The following IMMP2L variants were observed in gnomAD, a reference collection of about 807,000 sequenced individuals.
IMMP2L encodes mitochondrial inner membrane protease subunit 2.
Under a neutral mutation model 19.3 loss-of-function variants are expected in IMMP2L, and 18 were observed. The observed-to-expected ratio is 0.93, with a 90% confidence interval of 0.64 to 1.38. IMMP2L has a LOEUF of 1.38. IMMP2L is among the 40% of genes most tolerant of loss of function. The pLI, the probability that IMMP2L is intolerant of heterozygous loss-of-function variation, is 0.00. For missense variants in IMMP2L, 233 were observed against 218.2 expected (o/e 1.07, Z -0.43); for synonymous variants, 76 against 73.0 (o/e 1.04, Z -0.21).
chr7:111,322,820 C>T (rs1190822260), intron 3 of IMMP2L, among the ~76,000 whole-genome samples: 1 of 151,588 alleles, frequency 6.6e-6, no homozygotes, highest in Non-Finnish European at 1.5e-5. Flanking sequence ...AAATCCATAG[C>T]ATTAAATACT....
chr7:111,210,150 T>C (rs185262558), intron 3 of IMMP2L, among the ~76,000 whole-genome samples: 1 of 152,328 alleles, frequency 6.6e-6, no homozygotes, highest in Admixed American at 6.5e-5. Context: ...TTTTGCTTTC[T>C]TGACTCTCTG....
At chr7:111,398,477 A>G (rs1016746780) in intron 3 of IMMP2L, among the ~76,000 whole-genome samples, 4 of 152,144 alleles carry the variant, frequency 2.6e-5, no homozygotes, top group Admixed American at 2.6e-4. Flanking sequence ...ACATACCTCA[A>G]TGTAATAAAA....
chr7:111,329,279 AAG>A (rs1261073776), intron 3 of IMMP2L, among the ~76,000 whole-genome samples: 1 of 151,862 alleles, frequency 6.6e-6, no homozygotes, highest in Non-Finnish European at 1.5e-5. Flanking sequence ...GAGGAAAAAA[AAG>A]AGAAGGAGAA....
At chr7:111,131,777 A>C (rs1801870432) in intron 3 of IMMP2L, among the ~76,000 whole-genome samples, 1 of 151,982 alleles carries the variant, frequency 6.6e-6, no homozygotes, top group South Asian at 2.1e-4. Context: ...GTCTCAGAGA[A>C]GTATTTAAGT....
chr7:111,539,249 AGAAAG>A (rs1848293793), intron 1 of IMMP2L, among the ~76,000 whole-genome samples: 1 of 145,886 alleles, frequency 6.9e-6, no homozygotes, highest in African/African-American at 2.6e-5. Context: ...AAAGAAAGAA[AGAAAG>A]AAAGAAAGAA....
Position 110,673,696 on chromosome 7 carries a change from T to C in IMMP2L, c.409-9975A>G, listed in dbSNP as rs142852257. Among the ~76,000 whole-genome samples the C allele has an allele frequency of 2.6e-3, 401 of 152,298 alleles. 7 individuals are homozygous for C. The highest frequency in any genetic ancestry group is 9.1e-3 in the African/African-American group (377 of 41,572). On this transcript the variant is annotated intron_variant, in intron 5 of 5. Transcript: ENST00000405709. ...TGCCACCAGTCTCTTTGCTAAAGCA[T>C]AACAAAAGTCATCTTTGCTCCAGTT...
chr7:111,001,388 T>C (rs1250430587), intron 3 of IMMP2L, among the ~76,000 whole-genome samples: 1 of 152,146 alleles, frequency 6.6e-6, no homozygotes, highest in African/African-American at 2.4e-5. Context: ...TATTCAATCA[T>C]GTATGAAAGT....
intron 3 of IMMP2L, among the ~76,000 whole-genome samples, chr7:111,329,550 T>TAC (rs1825668781): frequency 6.6e-6 from 1 of 151,678 alleles, no homozygotes; most frequent in Non-Finnish European, 1.5e-5. Context: ...GCCCTATATA[T>TAC]ACTGAAAAGT....
rs139578729 is a variant in IMMP2L at position 111,327,239 on chromosome 7, GA to G, written c.239+159998del. Among the ~76,000 whole-genome samples, 72 of 151,768 alleles carry G rather than the reference GA, an allele frequency of 4.7e-4. No individual in the cohort carries two copies. In the East Asian group the frequency reaches 0.013, roughly 28 times the overall value. Reference sequence around the variant, plus strand: ...GTGGTGGTCAGGGGCTTGGGAGAGGGAAAAATGAGAAGTTGCTGTCCAACTG... The same window carrying G: ...GTGGTGGTCAGGGGCTTGGGAGAGGGAAAATGAGAAGTTGCTGTCCAACTG... On this transcript the variant is annotated intron_variant, in intron 3 of 5. Coordinates refer to ENST00000405709, the MANE Select transcript of IMMP2L (RefSeq NM_032549.4).
chr7:111,287,560 A>C (rs1024991134), intron 3 of IMMP2L, among the ~76,000 whole-genome samples: 2 of 150,244 alleles, frequency 1.3e-5, no homozygotes, highest in African/African-American at 4.9e-5. Context: ...AAAAAAAAAA[A>C]TAAACAAACA....
At chr7:111,168,800 T>C (rs1806116503) in intron 3 of IMMP2L, among the ~76,000 whole-genome samples, 1 of 151,916 alleles carries the variant, frequency 6.6e-6, no homozygotes, top group Non-Finnish European at 1.5e-5. Flanking sequence ...AATGGAAAGA[T>C]GCTATGGCTT....
chr7:111,343,021 T>G (rs1403340829), intron 3 of IMMP2L, among the ~76,000 whole-genome samples: 1 of 152,106 alleles, frequency 6.6e-6, no homozygotes, highest in Non-Finnish European at 1.5e-5. Flanking sequence ...CACTCCCTGG[T>G]AGTTTCAAAC....
chr7:111,329,562 A>G (rs1825670125), intron 3 of IMMP2L, among the ~76,000 whole-genome samples: 3 of 151,866 alleles, frequency 2.0e-5, no homozygotes, highest in Admixed American at 6.6e-5. Flanking sequence ...CTGAAAAGTG[A>G]ACAGTTAGCT....
At chr7:110,783,064 C>A (rs187855598) in intron 5 of IMMP2L, among the ~76,000 whole-genome samples, 1 of 151,706 alleles carries the variant, frequency 6.6e-6, no homozygotes, top group African/African-American at 2.4e-5. Context: ...TTGAGTACAC[C>A]GAGGTTGGAG....
At chr7:111,009,440 C>T (rs1036615752) in intron 3 of IMMP2L, among the ~76,000 whole-genome samples, 1 of 151,868 alleles carries the variant, frequency 6.6e-6, no homozygotes, top group Non-Finnish European at 1.5e-5. Flanking sequence ...TCTGTGAGGG[C>T]AGAAATTGTA....
chr7:111,228,698 T>G (rs1320153736), intron 3 of IMMP2L, among the ~76,000 whole-genome samples: 1 of 152,104 alleles, frequency 6.6e-6, no homozygotes, highest in Non-Finnish European at 1.5e-5. Context: ...CATTTATGCC[T>G]CTGAAACTTT....
intron 5 of IMMP2L, among the ~76,000 whole-genome samples, chr7:110,740,920 T>G (rs1300788960): frequency 7.6e-6 from 1 of 131,686 alleles, no homozygotes; most frequent in Non-Finnish European, 1.7e-5. Flanking sequence ...AAAGTTACTG[T>G]ATATTAAAAA....
rs1291750692 is a variant in IMMP2L, at chr7:110,924,569, T to C, written c.306-37874A>G. Among the ~76,000 whole-genome samples the C allele has an allele frequency of 6.6e-6, 1 of 152,108 alleles. No individual in the cohort carries two copies. Among genetic ancestry groups the C allele is most frequent in the East Asian group, 1.9e-4 (1 of 5,184 alleles). ...AATAATGTAAATAAAGGGCAGATAA[T>C]AACGTCCTCACTAGGAAACAGGATT... On this transcript the variant is annotated intron_variant, in intron 4 of 5. Transcript: ENST00000405709. This position sits in a 1 kb window ranked among gnomAD's most constrained non-coding sequence, Gnocchi z 4.2.
intron 3 of IMMP2L, among the ~76,000 whole-genome samples, chr7:111,386,370 T>C (rs1235237767): frequency 6.6e-6 from 1 of 152,160 alleles, no homozygotes; most frequent in Non-Finnish European, 1.5e-5. Context: ...AGGCAAATAC[T>C]TTGTATGACT....
Sources: allele counts gnomAD v4.1 joint callset (sites outside exome capture counted in the v4.1 genomes callset), GRCh38; gene constraint gnomAD v4.1.1; non-coding constraint Gnocchi (gnomAD v3.1); transcripts MANE v1.5; gene names NCBI Gene and HGNC (gene_info 2026-07-23, HGNC 2026-07-21).